The following LLGL2 variants were observed in gnomAD, a reference collection of about 807,000 sequenced individuals.
LLGL2 encodes LLGL scribble cell polarity complex component 2, also known as LLGL2, scribble cell polarity complex component.
Under a neutral mutation model 123.2 loss-of-function variants are expected in LLGL2, and 81 were observed. The ratio of observed to expected loss-of-function variants is 0.66; its 90% CI spans 0.55 to 0.79. The LOEUF is 0.79. LLGL2 is among the 30% of genes least tolerant of loss of function. The pLI is 0.00. For missense variants in LLGL2, 1,273 were observed against 1,414.6 expected (o/e 0.90, Z 1.61); for synonymous variants, 577 against 594.1 (o/e 0.97, Z 0.42).
At chr17:75,532,879 G>T (rs1179831812) in intron 1 of LLGL2, among the ~76,000 whole-genome samples, 1 of 152,380 alleles carries the variant, frequency 6.6e-6, no homozygotes, top group African/African-American at 2.4e-5. Flanking sequence ...TGAGGACAGG[G>T]TAAGGAAGTT....
chr17:75,569,958 C>T lies in LLGL2; in HGVS notation c.1582-5C>T, dbSNP rs760339057. ...GCTTGCTGAGCCACCTGCCACCCTG[C>T]GCAGGTGCTGGTACTGGAACTGAAT... On this transcript the variant is annotated splice_polypyrimidine_tract_variant and splice_region_variant and intron_variant, in intron 14 of 25. Transcript: ENST00000392550. 27 of 1,580,506 alleles carry T rather than the reference C, an allele frequency of 1.7e-5. No individual in the cohort carries two copies. The highest frequency in any genetic ancestry group is 8.7e-5 in the Admixed American group (5 of 57,796).
Position 75,570,368 on chromosome 17 carries a change from AC to A in LLGL2, c.1897del (p.Gln633SerfsTer91). 6.2e-7 allele frequency: 1 copy of A among 1,612,006 alleles called. No individual in the cohort carries two copies. The highest frequency in any genetic ancestry group is 8.5e-7 in the Non-Finnish European group (1 of 1,179,546). On this transcript the variant is annotated frameshift_variant, in exon 16 of 26. Transcript: ENST00000392550. LOFTEE classifies it high-confidence loss of function. The part of the protein sequence containing the change: ...VFVKCTLHPS[D>X]QLALEGPLSR... The stretch of plus-strand genomic sequence containing the variant: ...CCAAGGTGCACACTGCACCCCAGTG[AC>A]CAGCTGGCCTTGGAGGGCCCACTCT...
In LLGL2 at chr17:75,544,357, G is replaced by T. The variant is rs2054332295; in HGVS notation, c.75+856G>T. 2.0e-5 allele frequency among the ~76,000 whole-genome samples: 3 copies of T among 152,224 alleles called. No homozygotes were observed. Among genetic ancestry groups the T allele is most frequent in the Admixed American group, 2.0e-4 (3 of 15,288 alleles). ...GGCAGGACATGTGGCTTTCGTTGGG[G>T]GCTTCCGTTTGGGCTCCCCTGCCCC... On this transcript the variant is annotated intron_variant, in intron 2 of 25. Coordinates refer to ENST00000392550, the MANE Select transcript of LLGL2 (RefSeq NM_001031803.2). This position sits in a 1 kb window ranked among gnomAD's most constrained non-coding sequence, Gnocchi z 4.2.
chr17:75,535,952 C>G (rs991880830), intron 1 of LLGL2, among the ~76,000 whole-genome samples: 1 of 152,186 alleles, frequency 6.6e-6, no homozygotes, highest in African/African-American at 2.4e-5. Context: ...CCACAGGGAG[C>G]TCTCAGGCTG....
rs2055009413 is a variant in LLGL2, at chr17:75,558,268, T to A, written c.255+32T>A. 1 of 1,580,964 alleles carries A rather than the reference T, an allele frequency of 6.3e-7. No individual in the cohort carries two copies. The highest frequency in any genetic ancestry group is 8.7e-7 in the Non-Finnish European group (1 of 1,154,142). On this transcript the variant is annotated intron_variant, in intron 4 of 25. Coordinates refer to ENST00000392550, the MANE Select transcript of LLGL2 (RefSeq NM_001031803.2). This position sits in a 1 kb window ranked among gnomAD's most constrained non-coding sequence, Gnocchi z 4.0. ...GACCTGGGGTGGGACAGGAAGCCAC[T>A]TCCATGCCCTCCTTGCCTTCACTGC...
Position 75,525,781 on chromosome 17 carries a change from CGAGGGA to C in LLGL2, c.-74_-69del, listed in dbSNP as rs1220095455. 17 of 151,274 alleles carry C rather than the reference CGAGGGA, an allele frequency of 1.1e-4. No homozygotes were observed. Among genetic ancestry groups the C allele is most frequent in the Non-Finnish European group, 2.4e-4 (16 of 67,770 alleles). 9.4% of individuals were successfully genotyped at this position (151,274 alleles called of 1,614,324 possible). ...AGCGAGCGGGGCCGGCGGCGGGCGCCGAGGGACGCCGAGGCCTCGGGCGGGGGCTGG... is the reference window on the plus strand; with the variant it reads ...AGCGAGCGGGGCCGGCGGCGGGCGCCCGCCGAGGCCTCGGGCGGGGGCTGG... On this transcript the variant is annotated 5_prime_UTR_variant, in exon 1 of 26. Transcript: ENST00000392550. The surrounding 1 kb of genome is among the most constrained non-coding windows in gnomAD (Gnocchi z 4.8).
At chr17:75,547,485 C>G (rs567851792) in intron 2 of LLGL2, among the ~76,000 whole-genome samples, 2 of 152,220 alleles carry the variant, frequency 1.3e-5, no homozygotes, top group Admixed American at 1.3e-4. Flanking sequence ...GGAGCAAAAA[C>G]TGGCTTCCCT....
intron 1 of LLGL2, among the ~76,000 whole-genome samples, chr17:75,535,495 G>A (rs2053967076): frequency 6.6e-6 from 1 of 152,254 alleles, no homozygotes; most frequent in Non-Finnish European, 1.5e-5. Flanking sequence ...GAGCTATGGA[G>A]GGAGTTTCTT....
chr17:75,546,610 A>ACGGTGGGATACC, intron 2 of LLGL2, among the ~76,000 whole-genome samples: 1 of 44,666 alleles, frequency 2.2e-5, no homozygotes, highest in Non-Finnish European at 7.0e-5. Context: ...GGTCCAGCAG[A>ACGGTGGGATACC]CAGGCGGAGG....
At chr17:75,550,600 C>T (rs1200629437) in intron 2 of LLGL2, among the ~76,000 whole-genome samples, 3 of 151,972 alleles carry the variant, frequency 2.0e-5, no homozygotes, top group Admixed American at 6.6e-5. Flanking sequence ...GCCTGGGCAA[C>T]ATAGTGACAC....
chr17:75,560,102 G>T (rs1027190125), intron 6 of LLGL2, among the ~76,000 whole-genome samples: 2 of 152,220 alleles, frequency 1.3e-5, no homozygotes, highest in African/African-American at 4.8e-5. Flanking sequence ...CTGGGCCTGG[G>T]ACACACTCCT....
At chr17:75,571,127 G>A (rs1661718) in intron 17 of LLGL2, 27 bp downstream of exon 17, 29 of 1,566,756 alleles carry the variant, frequency 1.9e-5, no homozygotes, top group Non-Finnish European at 2.4e-5. Context: ...GGGTTGGGGG[G>A]CAGGGGGTAG....
At chr17:75,562,005 T>C (rs1243758792) in intron 6 of LLGL2, among the ~76,000 whole-genome samples, 1 of 152,194 alleles carries the variant, frequency 6.6e-6, no homozygotes, top group African/African-American at 2.4e-5. Flanking sequence ...GTGAGGTCAG[T>C]GCTAGCAGTA....
intron 2 of LLGL2, among the ~76,000 whole-genome samples, chr17:75,545,117 C>T (rs1416713122): frequency 1.3e-5 from 2 of 152,070 alleles, no homozygotes; most frequent in Non-Finnish European, 2.9e-5. Flanking sequence ...ACCCCCCTAC[C>T]CCTGCCCCCT....
chr17:75,531,291 A>AG (rs2053777760), intron 1 of LLGL2, among the ~76,000 whole-genome samples: 1 of 152,156 alleles, frequency 6.6e-6, no homozygotes, highest in Non-Finnish European at 1.5e-5. Context: ...GCACTGTGGG[A>AG]GATCTGCGCA....
intron 1 of LLGL2, among the ~76,000 whole-genome samples, chr17:75,535,668 C>T (rs1267311133): frequency 6.6e-6 from 1 of 152,222 alleles, no homozygotes; most frequent in African/African-American, 2.4e-5. Flanking sequence ...ATCGCATCTG[C>T]CACTTAGAGC....
rs117416681 is a variant in LLGL2 at position 75,529,898 on chromosome 17, A to G, written c.-31+4073A>G. On this transcript the variant is annotated intron_variant, in intron 1 of 25. Coordinates refer to ENST00000392550, the MANE Select transcript of LLGL2 (RefSeq NM_001031803.2). Reference sequence around the variant, plus strand: ...TAATAATTTTTAAAAAAAGATTTTTAGTGTCTTTCTAGGCTTCAGGTGTAG... The same window carrying G: ...TAATAATTTTTAAAAAAAGATTTTTGGTGTCTTTCTAGGCTTCAGGTGTAG... Among the ~76,000 whole-genome samples, 1,408 of 152,264 alleles carry G rather than the reference A, an allele frequency of 9.2e-3. 32 individuals carry two copies. Among genetic ancestry groups the G allele is most frequent in the East Asian group, 0.065 (336 of 5,168 alleles).
At chr17:75,548,890 C>G (rs2054547134) in intron 2 of LLGL2, among the ~76,000 whole-genome samples, 1 of 152,094 alleles carries the variant, frequency 6.6e-6, no homozygotes, top group Non-Finnish European at 1.5e-5. Flanking sequence ...TTGCTTCAAA[C>G]GGTGCCTGAC....
intron 10 of LLGL2, among the ~76,000 whole-genome samples, chr17:75,567,057 C>T (rs760960405): frequency 1.3e-5 from 2 of 152,158 alleles, no homozygotes; most frequent in African/African-American, 2.4e-5. Context: ...GACAGCTGAG[C>T]CCGGGCACCC....
Sources: gnomAD v4.1 joint callset for allele counts (sites outside exome capture counted in the v4.1 genomes callset) on GRCh38, gnomAD v4.1.1 for gene constraint, Gnocchi (gnomAD v3.1) non-coding constraint, MANE v1.5 for transcripts, NCBI Gene and HGNC (gene_info 2026-07-23, HGNC 2026-07-21) for gene names.